ABTB2: variants seen among roughly 807,000 people sequenced by gnomAD.
ABTB2 encodes ankyrin repeat and BTB domain containing 2.
Under a neutral mutation model 104.1 loss-of-function variants are expected in ABTB2, and 56 were observed. The observed-to-expected ratio is 0.54, with a 90% confidence interval of 0.43 to 0.67. The LOEUF (loss-of-function observed/expected upper bound fraction) is 0.67, where lower values mean the gene tolerates loss of function less well. Ranked by LOEUF, ABTB2 falls within the 30% of genes least tolerant of loss-of-function variation. The probability of loss-of-function intolerance (pLI) is 0.00; values close to 1 mark genes in which losing one functional copy is unlikely to be tolerated. For missense variants in ABTB2, 1,279 were observed against 1,407.7 expected (o/e 0.91, Z 1.46); for synonymous variants, 606 against 608.2 (o/e 1.00, Z 0.05).
At chr11:34,203,109 GC>G (rs1408718178) in intron 2 of ABTB2, among the ~76,000 whole-genome samples, 2 of 152,184 alleles carry the variant, frequency 1.3e-5, no homozygotes, top group African/African-American at 4.8e-5. Flanking sequence ...GATCTCAGCT[GC>G]CCCAAGGAGC....
chr11:34,278,689 T>C (rs1001758825), intron 1 of ABTB2, among the ~76,000 whole-genome samples: 1 of 152,202 alleles, frequency 6.6e-6, no homozygotes. Flanking sequence ...CTGCAGGGCC[T>C]GTGCTTGTCA....
At chr11:34,278,196 A>C (rs148600251) in intron 1 of ABTB2, among the ~76,000 whole-genome samples, 69 of 152,322 alleles carry the variant, frequency 4.5e-4, no homozygotes, top group Admixed American at 7.2e-4. Flanking sequence ...ACTAAAAAAA[A>C]AAGTTAAAAA....
At chr11:34,263,261 G>A (rs892444664) in intron 1 of ABTB2, among the ~76,000 whole-genome samples, 6 of 152,084 alleles carry the variant, frequency 3.9e-5, no homozygotes, top group Non-Finnish European at 8.8e-5. Flanking sequence ...GCGCTTGCAT[G>A]AGGGCCACAC....
At chr11:34,166,546 C>T (rs1852803013) in intron 7 of ABTB2, among the ~76,000 whole-genome samples, 1 of 152,278 alleles carries the variant, frequency 6.6e-6, no homozygotes, top group African/African-American at 2.4e-5. Flanking sequence ...ATCAGCCAGA[C>T]ACAATCCCTG....
chr11:34,172,371 C>T (rs192029743), intron 4 of ABTB2, among the ~76,000 whole-genome samples: 84 of 61,676 alleles, frequency 1.4e-3, no homozygotes, highest in African/African-American at 6.7e-3. Flanking sequence ...AACTCTGTCT[C>T]AAAAAAAAAA....
At chr11:34,284,451 G>C (rs1304315200) in intron 1 of ABTB2, among the ~76,000 whole-genome samples, 7 of 152,158 alleles carry the variant, frequency 4.6e-5, no homozygotes, top group Non-Finnish European at 1.0e-4. Flanking sequence ...AATCACCCTT[G>C]GGTACCTGGA....
intron 3 of ABTB2, among the ~76,000 whole-genome samples, chr11:34,188,563 A>C (rs976596650): frequency 2.2e-4 from 34 of 152,212 alleles, no homozygotes. Context: ...TAATTCACCC[A>C]ATAGCTATTC....
At chr11:34,208,300 G>GA (rs1478721727) in intron 1 of ABTB2, among the ~76,000 whole-genome samples, 5 of 152,180 alleles carry the variant, frequency 3.3e-5, no homozygotes, top group African/African-American at 1.2e-4. Flanking sequence ...AAAATCCTTA[G>GA]AAAAAAATTC....
intron 1 of ABTB2, among the ~76,000 whole-genome samples, chr11:34,217,204 C>T (rs1039557127): frequency 3.4e-4 from 52 of 152,240 alleles, no homozygotes; most frequent in African/African-American, 1.1e-3. Context: ...CTGTTTAACA[C>T]CACTGGCTCA....
At chr11:34,355,923 C>T (rs543343552) in intron 1 of ABTB2, among the ~76,000 whole-genome samples, 7 of 152,306 alleles carry the variant, frequency 4.6e-5, no homozygotes, top group African/African-American at 1.7e-4. Flanking sequence ...GGTTACCTAT[C>T]TCTTCCCCTT....
In ABTB2 at chr11:34,159,929, G is replaced by A; in HGVS notation, c.2583C>T (p.Val861=). The change falls in exon 13 of 17, where the codon GTC becomes GTT. Residue 861 remains valine, a synonymous_variant. Transcript: ENST00000435224. ...VEGKLFYAHK[V]LLVTASNRFK... is the part of the protein sequence containing the mutation. Reference sequence around the variant, plus strand: ...ACCTGTTAGAAGCTGTCACCAGCAGGACTTTATGTGCATAAAACAGCTTTC... The same window carrying A: ...ACCTGTTAGAAGCTGTCACCAGCAGAACTTTATGTGCATAAAACAGCTTTC... 1 of 1,613,904 alleles carries A rather than the reference G, an allele frequency of 6.2e-7. No individual in the cohort carries two copies. Among genetic ancestry groups the A allele is most frequent in the Non-Finnish European group, 8.5e-7 (1 of 1,179,850 alleles).
At chr11:34,293,352 C>T (rs142303510) in intron 1 of ABTB2, among the ~76,000 whole-genome samples, 2 of 152,192 alleles carry the variant, frequency 1.3e-5, no homozygotes, top group African/African-American at 4.8e-5. Flanking sequence ...CTGAGGGCAG[C>T]GTCCTGGCTG....
rs552359088 is a variant in ABTB2 at position 34,344,912 on chromosome 11, C to T, written c.883+11789G>A. 1.6e-4 allele frequency among the ~76,000 whole-genome samples: 25 copies of T among 152,176 alleles called. 1 individual carries two copies. Among genetic ancestry groups the T allele is most frequent in the Non-Finnish European group, 3.5e-4 (24 of 68,040 alleles). ...CTTTCCCCACTTCAGTCAATGGCCA[C>T]TCCCTCCTTCCAGGGCTCAGACCAT... On this transcript the variant is annotated intron_variant, in intron 1 of 16. Transcript: ENST00000435224.
At chr11:34,349,306 C>T (rs1855371681) in intron 1 of ABTB2, among the ~76,000 whole-genome samples, 1 of 152,138 alleles carries the variant, frequency 6.6e-6, no homozygotes, top group African/African-American at 2.4e-5. Flanking sequence ...GGCTTGAGCT[C>T]AGAGGGTGAG....
intron 14 of ABTB2, among the ~76,000 whole-genome samples, chr11:34,155,990 T>C (rs1852619965): frequency 6.6e-6 from 1 of 152,078 alleles, no homozygotes; most frequent in African/African-American, 2.4e-5. Flanking sequence ...TCATACAGGG[T>C]TGGGGTTAGA....
chr11:34,355,674 A>G (rs987165483), intron 1 of ABTB2, among the ~76,000 whole-genome samples: 4 of 152,108 alleles, frequency 2.6e-5, no homozygotes, highest in African/African-American at 9.7e-5. Context: ...CTGCCCCCCA[A>G]ATGGCCTTCC....
At chr11:34,214,532 CTTTTTTTTTTT>C (rs5790978) in intron 1 of ABTB2, among the ~76,000 whole-genome samples, 5 of 123,146 alleles carry the variant, frequency 4.1e-5, no homozygotes, top group African/African-American at 1.4e-4. Context: ...AAAAATACCA[CTTTTTTTTTTT>C]TTTTTTTTTT....
intron 1 of ABTB2, among the ~76,000 whole-genome samples, chr11:34,265,862 G>C (rs771875370): frequency 2.0e-5 from 3 of 150,438 alleles, no homozygotes; most frequent in African/African-American, 7.4e-5. Context: ...CCAGCTACTC[G>C]GGAGGCTGAG....
intron 1 of ABTB2, among the ~76,000 whole-genome samples, chr11:34,324,382 C>A (rs1436620787): frequency 6.6e-6 from 1 of 152,180 alleles, no homozygotes; most frequent in Non-Finnish European, 1.5e-5. Context: ...CAATGGATTT[C>A]TGAATTCTTT....
Sources: gnomAD v4.1 joint callset for allele counts (sites outside exome capture counted in the v4.1 genomes callset) on GRCh38, gnomAD v4.1.1 for gene constraint, MANE v1.5 for transcripts, NCBI Gene and HGNC (gene_info 2026-07-23, HGNC 2026-07-21) for gene names.